The following NUMA1 variants were observed in gnomAD, a reference collection of about 807,000 sequenced individuals.
NUMA1 encodes SP-H antigen.
In NUMA1, 62 loss-of-function variants were observed where a neutral mutation model predicts 237.1. The ratio of observed to expected loss-of-function variants is 0.26; its 90% CI spans 0.21 to 0.32. The LOEUF is 0.32. Among genes scored for constraint, NUMA1 ranks in the 10% least tolerant of loss-of-function variants. The pLI is 1.00. For synonymous variants in NUMA1, 1,028 were observed against 1,066.1 expected, an observed-to-expected ratio of 0.96 and a Z score of 0.70; for missense variants, 2,533 against 2,666.5, an observed-to-expected ratio of 0.95 and a Z score of 1.10.
At chr11:72,065,516 A>T (rs1256696392) in intron 2 of NUMA1, 2 of 152,242 alleles carry the variant, frequency 1.3e-5, no homozygotes, top group African/African-American at 4.8e-5. Flanking sequence ...GCAAAACCAG[A>T]AATATACAAG....
At chr11:72,043,527 A>G (rs1019394578) in intron 2 of NUMA1, among the ~76,000 whole-genome samples, 9 of 69,012 alleles carry the variant, frequency 1.3e-4, no homozygotes, top group Admixed American at 7.4e-4. Context: ...ATGCCTGGCT[A>G]ATTTTTTTTT....
intron 2 of NUMA1, among the ~76,000 whole-genome samples, chr11:72,063,095 T>A (rs928069422): frequency 6.6e-6 from 1 of 151,392 alleles, no homozygotes; most frequent in Non-Finnish European, 1.5e-5. Context: ...AACCTTGATA[T>A]TTGGGCCAGG....
chr11:72,005,100 A>T (rs1003849711), intron 23 of NUMA1, 133 bp downstream of exon 23: 3 of 1,081,798 alleles, frequency 2.8e-6, no homozygotes, highest in Non-Finnish European at 3.9e-6. Flanking sequence ...TCCACCTGGA[A>T]ACATGAGAAG....
intron 2 of NUMA1, among the ~76,000 whole-genome samples, chr11:72,043,357 CTTT>C (rs35559801): frequency 3.6e-4 from 38 of 105,594 alleles, no homozygotes; most frequent in South Asian, 3.6e-4. Flanking sequence ...AGGCGGAGTT[CTTT>C]TTTTTTTTTT....
At position 72,014,898 on chromosome 11, in the gene NUMA1, G is replaced by A. The variant is rs140958526; in HGVS notation, c.2605C>T (p.Arg869Trp). Reference sequence around the variant, plus strand: ...AGCTCAGCTAGTTCGTTCTGCTGCCGGCTTATCTGGAGCTCGCTGTGGGAT... The same window carrying A: ...AGCTCAGCTAGTTCGTTCTGCTGCCAGCTTATCTGGAGCTCGCTGTGGGAT... ...IESHSELQIS[R>W]QQNELAELHA... Residue 869 changes from arginine (R) to tryptophan (W), a missense_variant, in exon 15 of 27, where the codon CGG becomes TGG. Physicochemically the swap from Arg to Trp is moderately radical, Grantham distance 101. Coordinates refer to ENST00000393695, the MANE Select transcript of NUMA1 (RefSeq NM_006185.4). The surrounding 1 kb of genome is among the most constrained non-coding windows in gnomAD (Gnocchi z 4.6). The A allele has an allele frequency of 1.7e-5, 27 of 1,614,066 alleles. No homozygotes were observed. The highest frequency in any genetic ancestry group is 1.3e-4 in the Admixed American group (8 of 60,012).
chr11:72,066,160 G>T (rs1943187022), intron 2 of NUMA1: 1 of 152,144 alleles, frequency 6.6e-6, no homozygotes, highest in Admixed American at 6.6e-5. Flanking sequence ...ACAAAAATTA[G>T]CCGGGCGTGG....
At position 72,015,934 on chromosome 11, in the gene NUMA1, G is replaced by A. The variant is rs761683744; in HGVS notation, c.1569C>T (p.Gly523=). 2.5e-6 allele frequency: 4 copies of A among 1,614,136 alleles called. No homozygotes were observed. Among genetic ancestry groups the A allele is most frequent in the Non-Finnish European group, 2.5e-6 (3 of 1,180,030 alleles). Residue 523 remains glycine, a synonymous_variant, in exon 15 of 27, where the codon GGC becomes GGT. Coordinates refer to ENST00000393695, the MANE Select transcript of NUMA1 (RefSeq NM_006185.4). The surrounding 1 kb of genome is among the most constrained non-coding windows in gnomAD (Gnocchi z 4.0). Reference sequence around the variant, plus strand: ...GCTTCTCTTTGGCCTGCTGCTTCAGGCCAGCCAGTTCTTGATCCTGTTGCT... The same window carrying A: ...GCTTCTCTTTGGCCTGCTGCTTCAGACCAGCCAGTTCTTGATCCTGTTGCT... ...TIQQQDQELA[G]LKQQAKEKQA...
At chr11:72,004,944 A>G in intron 23 of NUMA1, 128 bp from the exon 24 acceptor site, 1 of 989,164 alleles carries the variant, frequency 1.0e-6, no homozygotes, top group Non-Finnish European at 1.4e-6. Context: ...CACGAGGTAG[A>G]AAGACACAAG....
chr11:72,025,718 C>T (rs1409974493), intron 4 of NUMA1, among the ~76,000 whole-genome samples: 1 of 152,142 alleles, frequency 6.6e-6, no homozygotes, highest in African/African-American at 2.4e-5. Flanking sequence ...TAAGCATCAT[C>T]CAAGCCAAGA....
intron 20 of NUMA1, chr11:72,007,896 CT>C: frequency 2.8e-6 from 1 of 353,088 alleles, no homozygotes; most frequent in Non-Finnish European, 5.5e-6. Context: ...TGCTCATGTC[CT>C]TTCCCTGGTC....
intron 2 of NUMA1, among the ~76,000 whole-genome samples, chr11:72,051,903 G>A (rs1942381796): frequency 6.6e-6 from 1 of 152,214 alleles, no homozygotes; most frequent in Non-Finnish European, 1.5e-5. Context: ...CAAGGCTAGT[G>A]GGGACCAACA....
intron 3 of NUMA1, among the ~76,000 whole-genome samples, chr11:72,033,023 T>G (rs959663490): frequency 6.6e-6 from 1 of 152,312 alleles, no homozygotes; most frequent in South Asian, 2.1e-4. Context: ...ATCATGTGTG[T>G]GTATGTGTAT....
At chr11:72,018,132 G>T in intron 12 of NUMA1, 51 bp downstream of exon 12, 1 of 1,343,836 alleles carries the variant, frequency 7.4e-7, no homozygotes, top group Non-Finnish European at 1.1e-6. Context: ...GAGCCTTCCA[G>T]ACCACCTCAG....
At chr11:72,039,268 G>C (rs1591011965) in intron 2 of NUMA1, among the ~76,000 whole-genome samples, 1 of 152,236 alleles carries the variant, frequency 6.6e-6, no homozygotes, top group Non-Finnish European at 1.5e-5. Context: ...GCTGAGCTCT[G>C]AAGTCTGTTC....
In NUMA1 at chr11:72,015,281, G is replaced by C. The variant is rs185327928; in HGVS notation, c.2222C>G (p.Ala741Gly). 3 of 1,613,566 alleles carry C rather than the reference G, an allele frequency of 1.9e-6. No individual in the cohort carries two copies. The highest frequency in any genetic ancestry group is 1.3e-5 in the African/African-American group (1 of 75,042). ...EQQRCISELKAETRSLVEQHK... is the reference protein window; with the variant it reads ...EQQRCISELKGETRSLVEQHK... ...CTGCTCCACCAGGCTTCGGGTCTCT[G>C]CCTTCAGCTCAGAGATACAACGCTG... Residue 741 changes from alanine to glycine, a missense_variant, in exon 15 of 27, where the codon GCA (alanine) becomes GGA (glycine). Physicochemically the swap from Ala to Gly is moderately conservative, Grantham distance 60. Coordinates refer to ENST00000393695, the MANE Select transcript of NUMA1 (RefSeq NM_006185.4). This position sits in a 1 kb window ranked among gnomAD's most constrained non-coding sequence, Gnocchi z 4.0.
At chr11:72,073,253 G>C (rs1008008938) in intron 1 of NUMA1, among the ~76,000 whole-genome samples, 1 of 150,602 alleles carries the variant, frequency 6.6e-6, no homozygotes. Flanking sequence ...GGAGGCTGAG[G>C]TGGGAAGACA....
Position 72,006,248 on chromosome 11 carries a change from C to T in NUMA1, c.5479G>A (p.Glu1827Lys). ...ITMTKKLDVE[E>K]PDSANSSFYS... is the part of the protein sequence containing the mutation. ...AACGATGAGTTGGCGCTGTCTGGCTCTTCCACATCTAGCTTCTGGAAGACA... is the reference window on the plus strand; with the variant it reads ...AACGATGAGTTGGCGCTGTCTGGCTTTTCCACATCTAGCTTCTGGAAGACA... The change falls in exon 22 of 27, where the codon GAG becomes AAG. Residue 1827 changes from glutamate (E) to lysine (K), a missense_variant. Coordinates refer to ENST00000393695, the MANE Select transcript of NUMA1 (RefSeq NM_006185.4). 1 of 1,614,154 alleles carries T rather than the reference C, an allele frequency of 6.2e-7. No individual in the cohort carries two copies. Among genetic ancestry groups the T allele is most frequent in the Non-Finnish European group, 8.5e-7 (1 of 1,179,994 alleles).
chr11:72,003,852 C>G, intron 26 of NUMA1, 35 bp downstream of exon 26: 1 of 1,605,628 alleles, frequency 6.2e-7, no homozygotes, highest in Non-Finnish European at 8.5e-7. Flanking sequence ...ATGCTCTCAT[C>G]GGGTTTCCCT....
intron 7 of NUMA1, chr11:72,022,066 C>A (rs1283476895): frequency 6.8e-6 from 2 of 293,154 alleles, no homozygotes; most frequent in Non-Finnish European, 1.3e-5. Context: ...ACGTATTATC[C>A]TAAAACACAT....
Sources: allele counts gnomAD v4.1 joint callset (sites outside exome capture counted in the v4.1 genomes callset), GRCh38; gene constraint gnomAD v4.1.1; non-coding constraint Gnocchi (gnomAD v3.1); transcripts MANE v1.5; gene names NCBI Gene and HGNC (gene_info 2026-07-23, HGNC 2026-07-21).